The following CCL15 variants were observed in gnomAD, a reference collection of about 807,000 sequenced individuals.
CCL15 encodes C-C motif chemokine 15.
In CCL15, 8 loss-of-function variants were observed where a neutral mutation model predicts 10.6. The ratio of observed to expected loss-of-function variants is 0.75; its 90% CI spans 0.44 to 1.36. CCL15 has a LOEUF of 1.36. CCL15 is among the 40% of genes most tolerant of loss of function. CCL15 has a pLI of 0.00. For missense variants in CCL15, 128 were observed against 136.6 expected, an observed-to-expected ratio of 0.94 and a Z score of 0.32; for synonymous variants, 51 against 48.8, an observed-to-expected ratio of 1.04 and a Z score of -0.19.
chr17:35,998,491 T>C, intron 2 of CCL15, 100 bp from the exon 3 acceptor site: 1 of 862,198 alleles, frequency 1.2e-6, no homozygotes, highest in Admixed American at 2.1e-5. Flanking sequence ...TTTCTCCTCC[T>C]CGGCTAGCAC....
At chr17:36,000,972 C>CAAA (rs1459872719) in intron 1 of CCL15, among the ~76,000 whole-genome samples, 2 of 152,192 alleles carry the variant, frequency 1.3e-5, no homozygotes, top group East Asian at 3.9e-4. Flanking sequence ...TTCACCTCCA[C>CAAA]AAATTAAGAT....
At chr17:36,000,796 G>A (rs577924872) in intron 1 of CCL15, among the ~76,000 whole-genome samples, 2 of 151,744 alleles carry the variant, frequency 1.3e-5, no homozygotes, top group African/African-American at 4.8e-5. Flanking sequence ...TTCTGGCATA[G>A]GTTGTCCCTT....
At position 35,997,770 on chromosome 17, in the gene CCL15, T is replaced by C. The variant is rs147708747; in HGVS notation, c.339A>G (p.Ile113Met). The change falls in exon 4 of 4, where the codon ATA becomes ATG. Residue 113 changes from isoleucine to methionine, a missense_variant. Physicochemically the swap from Ile to Met is conservative, Grantham distance 10. Coordinates refer to ENST00000617897, the MANE Select transcript of CCL15 (RefSeq NM_032965.6). ...GGCCTCTTTTGTCTCTTTATTATTA[T>C]ATTGAGTAGGGCTTCAGCTTTTTCA... ...DCMKKLKPYS[I>M] 1.5e-4 allele frequency: 246 copies of C among 1,610,232 alleles called. No homozygotes were observed. In the South Asian group the frequency reaches 2.3e-3, roughly 15 times the overall value.
At position 35,997,821 on chromosome 17, in the gene CCL15, G is replaced by A. The variant is rs1056339818; in HGVS notation, c.288C>T (p.Pro96=). ...TGCAATCCTGAACTCCCGGACCACTGGGTTTGGCACAGACTTGCCGCCCCT... is the reference window on the plus strand; with the variant it reads ...TGCAATCCTGAACTCCCGGACCACTAGGTTTGGCACAGACTTGCCGCCCCT... ...TKKGRQVCAK[P]SGPGVQDCMK... is the part of the protein sequence containing the mutation. Residue 96 remains proline, a synonymous_variant, in exon 4 of 4, where the codon CCC becomes CCT. Transcript: ENST00000617897. The A allele has an allele frequency of 6.2e-7, 1 of 1,614,054 alleles. No individual in the cohort carries two copies. The highest frequency in any genetic ancestry group is 8.5e-7 in the Non-Finnish European group (1 of 1,179,966).
In CCL15 at chr17:35,998,371, A is replaced by G; in HGVS notation, c.157T>C (p.Cys53Arg). 6.2e-7 allele frequency: 1 copy of G among 1,613,952 alleles called. No individual in the cohort carries two copies. The highest frequency in any genetic ancestry group is 8.5e-7 in the Non-Finnish European group (1 of 1,179,816). Residue 53 changes from cysteine (C) to arginine (R), a missense_variant, in exon 3 of 4, where the codon TGC (cysteine) becomes CGC (arginine). Coordinates refer to ENST00000617897, the MANE Select transcript of CCL15 (RefSeq NM_032965.6). ...CTTTGTGAGATGTAGGAGGTGCAGC[A>G]GTCAGCAGCAAAGTGAAAGCCTGCA... ...VLNSFHFAAD[C>R]CTSYISQSIP...
chr17:36,001,478 C>T lies in CCL15; in HGVS notation c.15G>A (p.Val5=). The T allele has an allele frequency of 6.2e-7, 1 of 1,613,734 alleles. No homozygotes were observed. The highest frequency in any genetic ancestry group is 8.5e-7 in the Non-Finnish European group (1 of 1,180,004). The part of the protein sequence containing the change: MKVS[V]AALSCLMLVA... ...CAAGCATGAGGCAGGAGAGGGCAGC[C>T]ACGGAGACCTTCATCCTCCTGGTGG... The change falls in exon 1 of 4, where the codon GTG becomes GTA. Residue 5 remains valine, a synonymous_variant. Coordinates refer to ENST00000617897, the MANE Select transcript of CCL15 (RefSeq NM_032965.6).
rs762671946 is a variant in CCL15, at chr17:35,997,766, A to G, written c.*1T>C. On this transcript the variant is annotated 3_prime_UTR_variant, in exon 4 of 4. Coordinates refer to ENST00000617897, the MANE Select transcript of CCL15 (RefSeq NM_032965.6). The stretch of plus-strand genomic sequence containing the variant: ...GGCTGGCCTCTTTTGTCTCTTTATT[A>G]TTATATTGAGTAGGGCTTCAGCTTT... 2.5e-6 allele frequency: 4 copies of G among 1,607,910 alleles called. No individual in the cohort carries two copies. The highest frequency in any genetic ancestry group is 3.4e-6 in the Non-Finnish European group (4 of 1,174,402).
intron 1 of CCL15, 64 bp downstream of exon 1, chr17:36,001,352 GT>G (rs1320765703): frequency 3.1e-6 from 5 of 1,594,476 alleles, no homozygotes; most frequent in East Asian, 4.5e-5. Flanking sequence ...GTCACAACAT[GT>G]CTCCGTCCCA....
At chr17:35,997,984 TG>T in intron 3 of CCL15, 124 bp from the exon 4 acceptor site, 1 of 711,600 alleles carries the variant, frequency 1.4e-6, no homozygotes, top group Middle Eastern at 3.7e-4. Context: ...TCTCTGCTGA[TG>T]GCAGCTCAGG....
intron 2 of CCL15, 23 bp downstream of exon 2, chr17:35,998,843 G>A (rs776839481): frequency 2.7e-5 from 43 of 1,596,958 alleles, no homozygotes; most frequent in South Asian, 3.3e-5. Context: ...GCTTTTAAAT[G>A]TATGCCGTAT....
Position 35,997,838 on chromosome 17 carries a change from GC to G in CCL15, c.270del (p.Gln91LysfsTer15). On this transcript the variant is annotated frameshift_variant, in exon 4 of 4. Coordinates refer to ENST00000617897, the MANE Select transcript of CCL15 (RefSeq NM_032965.6). LOFTEE classifies it low-confidence loss of function (END_TRUNC). Reference sequence around the variant, plus strand: ...GGACCACTGGGTTTGGCACAGACTTGCCGCCCCTTCTTGGTGAGGAATCTGG... The same window carrying G: ...GGACCACTGGGTTTGGCACAGACTTGCGCCCCTTCTTGGTGAGGAATCTGG... ...PGVIFLTKKG[R>X]QVCAKPSGPG... The G allele has an allele frequency of 6.2e-7, 1 of 1,613,868 alleles. No homozygotes were observed. Among genetic ancestry groups the G allele is most frequent in the Non-Finnish European group, 8.5e-7 (1 of 1,179,808 alleles).
chr17:36,000,727 C>T (rs2089984243), intron 1 of CCL15, among the ~76,000 whole-genome samples: 1 of 151,928 alleles, frequency 6.6e-6, no homozygotes, highest in Admixed American at 6.6e-5. Flanking sequence ...TCAGACTACC[C>T]AGCCCTAAAG....
chr17:36,000,462 CAAAA>C (rs71157588), intron 1 of CCL15, among the ~76,000 whole-genome samples: 2 of 49,088 alleles, frequency 4.1e-5, no homozygotes, highest in Non-Finnish European at 4.6e-5. Flanking sequence ...AACTCCATCT[CAAAA>C]AAAAAAAAAA....
chr17:35,998,043 C>T (rs932827295), intron 3 of CCL15, among the ~76,000 whole-genome samples, 183 bp from the exon 4 acceptor site: 11 of 152,202 alleles, frequency 7.2e-5, no homozygotes, highest in Admixed American at 5.2e-4. Context: ...TCCTTAATGA[C>T]TCATGGAAGT....
chr17:35,998,174 G>T (rs1598745568), intron 3 of CCL15, 106 bp downstream of exon 3: 1 of 726,008 alleles, frequency 1.4e-6, no homozygotes, highest in Non-Finnish European at 2.4e-6. Context: ...GTATCTGGCA[G>T]GATCCAGAGG....
intron 1 of CCL15, among the ~76,000 whole-genome samples, chr17:35,999,634 T>C (rs1415806341): frequency 1.3e-5 from 2 of 151,858 alleles, no homozygotes; most frequent in Non-Finnish European, 1.5e-5. Context: ...TAGCTAATAG[T>C]TTACCTTTTT....
At chr17:35,999,610 C>T (rs951200107) in intron 1 of CCL15, among the ~76,000 whole-genome samples, 3 of 151,716 alleles carry the variant, frequency 2.0e-5, no homozygotes, top group Admixed American at 6.6e-5. Flanking sequence ...ACTACAGGTG[C>T]GAGCCACAAT....
chr17:36,001,049 A>G (rs1000714950), intron 1 of CCL15, among the ~76,000 whole-genome samples: 1 of 152,204 alleles, frequency 6.6e-6, no homozygotes, highest in African/African-American at 2.4e-5. Context: ...TTTTCCTCTC[A>G]CAAATCATAA....
chr17:35,997,650 A>C lies in CCL15; in HGVS notation c.*117T>G. Reference sequence around the variant, plus strand: ...GTTAAAAAATTGAATACTCTTTATTAGATGCATTACTTTCATTACCAGACA... The same window carrying C: ...GTTAAAAAATTGAATACTCTTTATTCGATGCATTACTTTCATTACCAGACA... On this transcript the variant is annotated 3_prime_UTR_variant, in exon 4 of 4. Transcript: ENST00000617897. 1 of 646,528 alleles carries C rather than the reference A, an allele frequency of 1.5e-6. No homozygotes were observed. The highest frequency in any genetic ancestry group is 2.7e-6 in the Non-Finnish European group (1 of 367,708). The allele number at this position is 646,528 out of a possible 1,614,324, so 40.0% of individuals were successfully genotyped here.
Sources: allele counts gnomAD v4.1 joint callset (sites outside exome capture counted in the v4.1 genomes callset), GRCh38; gene constraint gnomAD v4.1.1; transcripts MANE v1.5; gene names NCBI Gene and HGNC (gene_info 2026-07-23, HGNC 2026-07-21).